Variants in EML6 observed in about 807,000 individuals in gnomAD.
EML6 encodes EMAP like 6.
EML6 carries 154 observed loss-of-function variants against 240.1 expected under a neutral mutation model. That is an observed-to-expected ratio of 0.64 (90% CI 0.56 to 0.73). EML6 has a LOEUF of 0.73. EML6 is among the 30% of genes least tolerant of loss of function. The pLI, the probability that EML6 is intolerant of heterozygous loss-of-function variation, is 0.00. For synonymous variants in EML6, 1,148 were observed against 899.0 expected, an observed-to-expected ratio of 1.28 and a Z score of -4.95; for missense variants, 2,964 against 2,474.6, an observed-to-expected ratio of 1.20 and a Z score of -4.20.
At chr2:54,793,828 T>C (rs1161836481) in intron 2 of EML6, among the ~76,000 whole-genome samples, 2 of 152,272 alleles carry the variant, frequency 1.3e-5, no homozygotes, top group East Asian at 3.9e-4. Flanking sequence ...AATGCAGCTG[T>C]GATGGCTGGA....
chr2:54,917,079 A>C (rs1430922356), intron 26 of EML6, 144 bp downstream of exon 26: 10 of 621,012 alleles, frequency 1.6e-5, no homozygotes, highest in Non-Finnish European at 2.7e-6. Flanking sequence ...AACCTCCCTG[A>C]CATTGTGTTT....
At chr2:54,924,314 G>T (rs1225183911) in intron 26 of EML6, among the ~76,000 whole-genome samples, 2 of 152,160 alleles carry the variant, frequency 1.3e-5, no homozygotes, top group African/African-American at 4.8e-5. Flanking sequence ...GTGCCATCCA[G>T]TTGTGTTTTC....
chr2:54,871,705 A>G, intron 16 of EML6, 100 bp downstream of exon 16: 1 of 827,220 alleles, frequency 1.2e-6, no homozygotes, highest in Non-Finnish European at 2.0e-6. Context: ...GTGTGTATTT[A>G]AACATGCTCC....
chr2:54,773,413 C>T (rs977088028), intron 2 of EML6, among the ~76,000 whole-genome samples: 3 of 152,248 alleles, frequency 2.0e-5, no homozygotes, highest in East Asian at 1.9e-4. Flanking sequence ...TGTCAAATTG[C>T]TTATCTCAGA....
chr2:54,908,190 A>G (rs1243141982), intron 24 of EML6, among the ~76,000 whole-genome samples: 1 of 150,622 alleles, frequency 6.6e-6, no homozygotes, highest in African/African-American at 2.4e-5. Context: ...AAGAACAGAA[A>G]CCCACTCAAA....
chr2:54,928,563 A>C, intron 27 of EML6, 49 bp downstream of exon 27: 1 of 1,551,074 alleles, frequency 6.4e-7, no homozygotes, highest in Middle Eastern at 1.7e-4. Flanking sequence ...GCACCTCCCA[A>C]CACCTCCCTT....
At chr2:54,813,982 G>C (rs747963979) in intron 3 of EML6, among the ~76,000 whole-genome samples, 1 of 152,254 alleles carries the variant, frequency 6.6e-6, no homozygotes, top group Middle Eastern at 3.4e-3. Context: ...TAATAAGTCA[G>C]TGTCATGTCT....
rs560625269 is a variant in EML6, at chr2:54,946,577, C to G, written c.4005-2305C>G. On this transcript the variant is annotated intron_variant, in intron 28 of 41. Coordinates refer to ENST00000356458, the MANE Select transcript of EML6 (RefSeq NM_001039753.4). ...AAGTCTCTGGCAGTCCCTCCCACAT[C>G]TGATGTTATGAACACTGTTTATAGA... 5.3e-5 allele frequency among the ~76,000 whole-genome samples: 8 copies of G among 152,344 alleles called. No individual in the cohort carries two copies. In the South Asian group the frequency reaches 1.2e-3, roughly 24 times the overall value.
intron 2 of EML6, among the ~76,000 whole-genome samples, chr2:54,803,694 C>G (rs985539279): frequency 6.6e-6 from 1 of 152,300 alleles, no homozygotes; most frequent in East Asian, 1.9e-4. Flanking sequence ...GCACCTTTCA[C>G]AAGGCTGTGC....
intron 2 of EML6, among the ~76,000 whole-genome samples, chr2:54,775,477 T>C (rs536806177): frequency 2.8e-4 from 42 of 152,318 alleles, no homozygotes; most frequent in Non-Finnish European, 4.9e-4. Flanking sequence ...ATTTCTGTGC[T>C]CCTCCTAACC....
chr2:54,904,347 C>T (rs1673207483), intron 24 of EML6, among the ~76,000 whole-genome samples: 1 of 152,074 alleles, frequency 6.6e-6, no homozygotes, highest in African/African-American at 2.4e-5. Flanking sequence ...TGTTGAGAGT[C>T]TGGAGCGGGT....
chr2:54,919,139 G>A (rs1052645748), intron 26 of EML6, among the ~76,000 whole-genome samples: 1 of 151,906 alleles, frequency 6.6e-6, no homozygotes, highest in East Asian at 1.9e-4. Context: ...TCTCCTTTGC[G>A]GTTTGAAGAA....
chr2:54,857,464 G>C (rs182998568), intron 11 of EML6, among the ~76,000 whole-genome samples: 1 of 152,160 alleles, frequency 6.6e-6, no homozygotes, highest in Non-Finnish European at 1.5e-5. Context: ...GCTGTCCTAC[G>C]GGATGGAGAT....
chr2:54,910,405 G>C (rs1296844519), intron 24 of EML6, among the ~76,000 whole-genome samples: 1 of 152,222 alleles, frequency 6.6e-6, no homozygotes, highest in Non-Finnish European at 1.5e-5. Flanking sequence ...CTTGGGGAAA[G>C]TCCTGGATTT....
intron 2 of EML6, among the ~76,000 whole-genome samples, chr2:54,799,544 C>T (rs75308690): frequency 6.6e-6 from 1 of 151,998 alleles, no homozygotes; most frequent in Non-Finnish European, 1.5e-5. Flanking sequence ...CAGGTTTCAC[C>T]ATGTTGGCCA....
rs190193763 is a variant in EML6, at chr2:54,797,082, G to A, written c.198-16150G>A. On this transcript the variant is annotated intron_variant, in intron 2 of 41. Coordinates refer to ENST00000356458, the MANE Select transcript of EML6 (RefSeq NM_001039753.4). ...CAGGAGGCTGAGGCAGGAGAATGGC[G>A]TGAACCCAGGAGGCAGAGCTTGCAG... Among the ~76,000 whole-genome samples, 120 of 145,432 alleles carry A rather than the reference G, an allele frequency of 8.3e-4. 3 individuals are homozygous for A. In the East Asian group the frequency reaches 0.02, roughly 24 times the overall value.
chr2:54,885,987 T>C (rs886203718), intron 17 of EML6, among the ~76,000 whole-genome samples: 1 of 152,168 alleles, frequency 6.6e-6, no homozygotes, highest in African/African-American at 2.4e-5. Context: ...TTCACATTCA[T>C]GTAGCCATAA....
intron 5 of EML6, among the ~76,000 whole-genome samples, chr2:54,823,317 C>G (rs749889012): frequency 1.3e-5 from 2 of 152,018 alleles, no homozygotes. Context: ...CAGAACTAGG[C>G]GAGGGGTTGC....
At chr2:54,904,888 G>A (rs1473492684) in intron 24 of EML6, among the ~76,000 whole-genome samples, 2 of 152,184 alleles carry the variant, frequency 1.3e-5, no homozygotes, top group Non-Finnish European at 2.9e-5. Context: ...ACCAGGACTT[G>A]GAAACCCTTC....
Sources: allele counts gnomAD v4.1 joint callset (sites outside exome capture counted in the v4.1 genomes callset), GRCh38; gene constraint gnomAD v4.1.1; transcripts MANE v1.5; gene names NCBI Gene and HGNC (gene_info 2026-07-23, HGNC 2026-07-21).